PRKG2: variants seen among roughly 807,000 people sequenced by gnomAD.
The protein encoded by PRKG2 is cGMP-dependent protein kinase 2.
PRKG2 carries 33 observed loss-of-function variants against 97.2 expected under a neutral mutation model. That is an observed-to-expected ratio of 0.34 (90% CI 0.26 to 0.45). The LOEUF (loss-of-function observed/expected upper bound fraction) is 0.45. Among genes scored for constraint, PRKG2 ranks in the 20% least tolerant of loss-of-function variants. PRKG2 has a pLI of 1.00. For missense variants in PRKG2, 638 were observed against 900.0 expected (o/e 0.71, Z 3.73); for synonymous variants, 330 against 321.8 (o/e 1.03, Z -0.27).
intron 6 of PRKG2, among the ~76,000 whole-genome samples, chr4:81,158,701 T>A (rs1365461802): frequency 6.6e-6 from 1 of 152,070 alleles, no homozygotes; most frequent in Non-Finnish European, 1.5e-5. Flanking sequence ...CAAACTATAC[T>A]ACAAGGCTAT....
At chr4:81,152,487 C>T (rs1748503093) in intron 7 of PRKG2, among the ~76,000 whole-genome samples, 2 of 152,128 alleles carry the variant, frequency 1.3e-5, no homozygotes, top group Non-Finnish European at 2.9e-5. Context: ...GATTGACTGG[C>T]CGAATCCTGT....
intron 14 of PRKG2, among the ~76,000 whole-genome samples, chr4:81,116,666 A>G (rs879788438): frequency 1.0e-3 from 159 of 152,134 alleles, no homozygotes; most frequent in Non-Finnish European, 1.8e-3. Flanking sequence ...TTTCTCTGCA[A>G]CCCTGCCAGT....
intron 2 of PRKG2, among the ~76,000 whole-genome samples, chr4:81,184,007 G>A (rs1374325378): frequency 6.6e-6 from 1 of 152,188 alleles, no homozygotes; most frequent in East Asian, 1.9e-4. Context: ...GGGGTTAATA[G>A]ATAAAACTCC....
upstream of PRKG2, among the ~76,000 whole-genome samples, chr4:81,217,066 T>TATATATATAA (rs1466238894): frequency 3.4e-5 from 5 of 145,382 alleles, no homozygotes; most frequent in African/African-American, 1.3e-4. Flanking sequence ...TGTATATATA[T>TATATATATAA]AATATAAAAC....
chr4:81,206,845 T>C (rs2110132728), intron 1 of PRKG2, among the ~76,000 whole-genome samples: 1 of 152,290 alleles, frequency 6.6e-6, no homozygotes, highest in Admixed American at 6.5e-5. Flanking sequence ...TGTGACCAAA[T>C]AGTCAATGCA....
At chr4:81,189,571 T>G (rs1752283719) in intron 2 of PRKG2, among the ~76,000 whole-genome samples, 1 of 148,776 alleles carries the variant, frequency 6.7e-6, no homozygotes, top group Non-Finnish European at 1.5e-5. Flanking sequence ...TGAGAACACA[T>G]GGACACAGGA....
chr4:81,158,458 A>C (rs1054876713), intron 6 of PRKG2, among the ~76,000 whole-genome samples: 1 of 151,326 alleles, frequency 6.6e-6, no homozygotes, highest in Non-Finnish European at 1.5e-5. Context: ...AGAGGATACA[A>C]ACAAATGGAA....
intron 2 of PRKG2, among the ~76,000 whole-genome samples, chr4:81,202,976 A>C (rs1258033877): frequency 6.6e-6 from 1 of 152,020 alleles, no homozygotes; most frequent in African/African-American, 2.4e-5. Flanking sequence ...TCTGCATAAA[A>C]AAGTACATTG....
intron 14 of PRKG2, among the ~76,000 whole-genome samples, chr4:81,128,496 C>A (rs1210826121): frequency 6.6e-6 from 1 of 152,090 alleles, no homozygotes; most frequent in South Asian, 2.1e-4. Flanking sequence ...TTAATTACTG[C>A]CTCAATTTCA....
At chr4:81,203,638 C>T (rs1753451645) in intron 2 of PRKG2, among the ~76,000 whole-genome samples, 1 of 151,948 alleles carries the variant, frequency 6.6e-6, no homozygotes, top group South Asian at 2.1e-4. Flanking sequence ...GGAAGGGAAC[C>T]CTAACTAATG....
chr4:81,120,142 A>G (rs559843202), intron 14 of PRKG2, among the ~76,000 whole-genome samples: 178 of 152,302 alleles, frequency 1.2e-3, no homozygotes, highest in Middle Eastern at 0.01. Context: ...GTCTTAGTCA[A>G]TCCCAGAAGC....
intron 14 of PRKG2, among the ~76,000 whole-genome samples, chr4:81,127,706 C>T (rs1327342918): frequency 2.0e-5 from 3 of 152,156 alleles, no homozygotes; most frequent in Non-Finnish European, 4.4e-5. Flanking sequence ...GCTGAAGTTG[C>T]TTATCAGCTT....
chr4:81,105,005 G>A (rs7679480), intron 16 of PRKG2, among the ~76,000 whole-genome samples: 13,678 of 152,042 alleles, frequency 0.09, 706 homozygotes, highest in African/African-American at 0.13. Flanking sequence ...AAAAAATGAA[G>A]ATGGAAAGAG....
intron 14 of PRKG2, among the ~76,000 whole-genome samples, chr4:81,120,230 T>C (rs532096686): frequency 6.6e-5 from 10 of 152,194 alleles, no homozygotes; most frequent in Non-Finnish European, 1.5e-4. Context: ...ATCCAGCTGT[T>C]TCTACACCTT....
intron 9 of PRKG2, among the ~76,000 whole-genome samples, chr4:81,144,610 A>T (rs80216012): frequency 0.15 from 20,931 of 139,918 alleles, 1,979 homozygotes; most frequent in East Asian, 0.43. Flanking sequence ...ATATATATAT[A>T]TTTTTTTTTT....
At chr4:81,097,510 A>C (rs1742247426) in intron 17 of PRKG2, among the ~76,000 whole-genome samples, 1 of 152,166 alleles carries the variant, frequency 6.6e-6, no homozygotes, top group South Asian at 2.1e-4. Context: ...TGTATTCCTA[A>C]TAAGAGAGTT....
chr4:81,149,486 G>C (rs1320135395), intron 8 of PRKG2, among the ~76,000 whole-genome samples: 1 of 152,028 alleles, frequency 6.6e-6, no homozygotes, highest in Admixed American at 6.6e-5. Context: ...TCTGAAATTA[G>C]AGCATGTCTT....
At chr4:81,206,945 A>G (rs1404360117) in intron 1 of PRKG2, among the ~76,000 whole-genome samples, 1 of 152,204 alleles carries the variant, frequency 6.6e-6, no homozygotes, top group Non-Finnish European at 1.5e-5. Flanking sequence ...TTCAGGTTCA[A>G]AGTGGTCATT....
intron 2 of PRKG2, among the ~76,000 whole-genome samples, chr4:81,200,411 T>C (rs145313149): frequency 6.6e-6 from 1 of 152,152 alleles, no homozygotes; most frequent in Non-Finnish European, 1.5e-5. Context: ...TAGGCATCGA[T>C]GCAATGGGCC....
Sources: gnomAD v4.1 joint callset for allele counts (sites outside exome capture counted in the v4.1 genomes callset) on GRCh38, gnomAD v4.1.1 for gene constraint, MANE v1.5 for transcripts, NCBI Gene and HGNC (gene_info 2026-07-23, HGNC 2026-07-21) for gene names.